TPST1: variants seen among roughly 807,000 people sequenced by gnomAD.
TPST1 encodes protein-tyrosine sulfotransferase 1.
TPST1 carries 20 observed loss-of-function variants against 34.8 expected under a neutral mutation model. The observed-to-expected ratio is 0.57, with a 90% CI of 0.40 to 0.84. The LOEUF (loss-of-function observed/expected upper bound fraction) is 0.84, where lower values mean the gene tolerates loss of function less well. TPST1 is among the 40% of genes least tolerant of loss of function. TPST1 has a pLI of 0.00. For missense variants in TPST1, 353 were observed against 455.5 expected, an observed-to-expected ratio of 0.78 and a Z score of 2.05; for synonymous variants, 152 against 159.4, an observed-to-expected ratio of 0.95 and a Z score of 0.35.
At chr7:66,211,533 ATAAAAGTTGG>A (rs1361159960) in intron 1 of TPST1, among the ~76,000 whole-genome samples, 1 of 152,218 alleles carries the variant, frequency 6.6e-6, no homozygotes, top group Non-Finnish European at 1.5e-5. Context: ...TAGAAACTTG[ATAAAAGTTGG>A]TTGAATAAAT....
intron 3 of TPST1, among the ~76,000 whole-genome samples, chr7:66,344,628 G>A (rs1792305144): frequency 6.6e-6 from 1 of 151,596 alleles, no homozygotes; most frequent in Non-Finnish European, 1.5e-5. Context: ...GGCCAAGCTG[G>A]TCTTGAACTC....
At chr7:66,259,969 T>C (rs1471056609) in intron 2 of TPST1, among the ~76,000 whole-genome samples, 1 of 152,188 alleles carries the variant, frequency 6.6e-6, no homozygotes, top group Non-Finnish European at 1.5e-5. Context: ...CTAGCCATAG[T>C]TTTGCCTTTT....
At chr7:66,210,852 C>G (rs1435313784) in intron 1 of TPST1, among the ~76,000 whole-genome samples, 2 of 152,032 alleles carry the variant, frequency 1.3e-5, no homozygotes, top group Admixed American at 6.6e-5. Flanking sequence ...GCCTGTAGTT[C>G]CAGCCATGTA....
chr7:66,342,759 G>T (rs927934973), intron 3 of TPST1, among the ~76,000 whole-genome samples: 1 of 152,058 alleles, frequency 6.6e-6, no homozygotes, highest in Admixed American at 6.6e-5. Context: ...ACCAGATCTC[G>T]CACCAGGTCT....
At chr7:66,242,052 T>A (rs1001695037) in intron 2 of TPST1, among the ~76,000 whole-genome samples, 1 of 152,248 alleles carries the variant, frequency 6.6e-6, no homozygotes. Context: ...ATGATGATTT[T>A]TAGCATTTTG....
intron 2 of TPST1, among the ~76,000 whole-genome samples, chr7:66,260,068 G>A (rs79200518): frequency 0.019 from 2,929 of 152,086 alleles, 64 homozygotes; most frequent in East Asian, 0.092. Context: ...ACTCCATGTC[G>A]TCTCATGTCT....
chr7:66,347,054 C>CTTTGCTTTT (rs1792366787), intron 3 of TPST1, among the ~76,000 whole-genome samples: 1 of 54,842 alleles, frequency 1.8e-5, no homozygotes, highest in Non-Finnish European at 3.7e-5. Context: ...TTTTCCTTTG[C>CTTTGCTTTT]TTTTCTTTTT....
chr7:66,207,135 A>C (rs1789147187), intron 1 of TPST1, among the ~76,000 whole-genome samples: 1 of 152,164 alleles, frequency 6.6e-6, no homozygotes, highest in African/African-American at 2.4e-5. Context: ...GACTGGCAAA[A>C]ATCATATAAC....
chr7:66,269,379 A>G (rs925880238), intron 2 of TPST1, among the ~76,000 whole-genome samples: 2 of 152,268 alleles, frequency 1.3e-5, no homozygotes, highest in African/African-American at 4.8e-5. Context: ...TCAGCAGTGT[A>G]GCAAAAACTG....
intron 5 of TPST1, among the ~76,000 whole-genome samples, chr7:66,358,296 A>G (rs1474917444): frequency 6.7e-6 from 1 of 150,126 alleles, no homozygotes; most frequent in Non-Finnish European, 1.5e-5. Flanking sequence ...ATTGATAGTG[A>G]TTTTTTCTCA....
chr7:66,239,261 G>C (rs1329982638), intron 1 of TPST1, among the ~76,000 whole-genome samples: 1 of 152,126 alleles, frequency 6.6e-6, no homozygotes, highest in Non-Finnish European at 1.5e-5. Flanking sequence ...GATTACAGGC[G>C]TAAGCTGCTG....
intron 3 of TPST1, among the ~76,000 whole-genome samples, chr7:66,306,080 A>T (rs1480105524): frequency 6.6e-6 from 1 of 152,274 alleles, no homozygotes; most frequent in South Asian, 2.1e-4. Flanking sequence ...GCGATGGGAG[A>T]TATGTGATTG....
chr7:66,225,422 G>T (rs139823649), intron 1 of TPST1, among the ~76,000 whole-genome samples: 2 of 151,722 alleles, frequency 1.3e-5, no homozygotes, highest in African/African-American at 4.8e-5. Context: ...GGCCAGCCTG[G>T]GCAACATGGT....
rs190386208 is a variant in TPST1 at position 66,241,771 on chromosome 7, C to T, written c.845+501C>T. On this transcript the variant is annotated intron_variant, in intron 2 of 5. Coordinates refer to ENST00000304842, the MANE Select transcript of TPST1 (RefSeq NM_003596.4). ...TGGTAGAGAAAAATAAAAGCTTCGT[C>T]TAACCTAATCTCTTCATTTTATGGA... is the stretch of plus-strand genomic sequence containing the variant. Among the ~76,000 whole-genome samples, 325 of 152,292 alleles carry T rather than the reference C, an allele frequency of 2.1e-3. 2 individuals are homozygous for T. The highest frequency in any genetic ancestry group is 7.7e-3 in the African/African-American group (318 of 41,550).
intron 2 of TPST1, among the ~76,000 whole-genome samples, chr7:66,276,304 T>G (rs1466467663): frequency 6.7e-6 from 1 of 148,650 alleles, no homozygotes; most frequent in Non-Finnish European, 1.5e-5. Flanking sequence ...TTTTTTTGCC[T>G]GTTAATATTT....
chr7:66,238,326 C>T (rs1253919572), intron 1 of TPST1, among the ~76,000 whole-genome samples: 4 of 151,260 alleles, frequency 2.6e-5, no homozygotes. Context: ...GTTATTTTGT[C>T]ATGCTTTAAG....
rs200161377 is a variant in TPST1, at chr7:66,240,618, T to C, written c.193T>C (p.Tyr65His). ...LDLKANKTFA[Y>H]HKDMPLIFIG... ...CCTCAAAGCCAACAAAACCTTTGCC[T>C]ATCACAAAGATATGCCTTTAATATT... The change falls in exon 2 of 6, where the codon TAT (tyrosine) becomes CAT (histidine). Residue 65 changes from tyrosine to histidine, a missense_variant. Coordinates refer to ENST00000304842, the MANE Select transcript of TPST1 (RefSeq NM_003596.4). The C allele has an allele frequency of 6.2e-7, 1 of 1,614,206 alleles. No homozygotes were observed. Among genetic ancestry groups the C allele is most frequent in the African/African-American group, 1.3e-5 (1 of 75,072 alleles).
At chr7:66,204,699 C>G (rs1789084909), upstream of TPST1, among the ~76,000 whole-genome samples, 3 of 152,228 alleles carry the variant, frequency 2.0e-5, no homozygotes, top group South Asian at 6.2e-4. Flanking sequence ...TCTTTTGCTT[C>G]TTTGCCTTTT....
chr7:66,319,938 C>T (rs117709956), intron 3 of TPST1, among the ~76,000 whole-genome samples: 3,386 of 152,258 alleles, frequency 0.022, 63 homozygotes, highest in Non-Finnish European at 0.029. Context: ...CCAAATTATT[C>T]CCTCCTCCTC....
Sources: allele counts gnomAD v4.1 joint callset (sites outside exome capture counted in the v4.1 genomes callset), GRCh38; gene constraint gnomAD v4.1.1; transcripts MANE v1.5; gene names NCBI Gene and HGNC (gene_info 2026-07-23, HGNC 2026-07-21).